ABCA5: variants seen among roughly 807,000 people sequenced by gnomAD.
ABCA5 encodes cholesterol transporter ABCA5.
Under a neutral mutation model 206.0 loss-of-function variants are expected in ABCA5, and 163 were observed. The ratio of observed to expected loss-of-function variants is 0.79; its 90% CI spans 0.70 to 0.90. The LOEUF is 0.90. Among genes scored for constraint, ABCA5 ranks in the 40% least tolerant of loss-of-function variants. ABCA5 has a pLI of 0.00. For missense variants in ABCA5, 1,859 were observed against 1,912.9 expected, an observed-to-expected ratio of 0.97 and a Z score of 0.53; for synonymous variants, 609 against 613.8, an observed-to-expected ratio of 0.99 and a Z score of 0.11.
chr17:69,258,786 C>T (rs960008863), intron 28 of ABCA5, among the ~76,000 whole-genome samples: 2 of 151,834 alleles, frequency 1.3e-5, no homozygotes, highest in African/African-American at 4.8e-5. Flanking sequence ...GCATATAATT[C>T]GATTCACCAA....
At chr17:69,266,321 G>C (rs2075207419) in intron 23 of ABCA5, among the ~76,000 whole-genome samples, 1 of 152,052 alleles carries the variant, frequency 6.6e-6, no homozygotes, top group Non-Finnish European at 1.5e-5. Flanking sequence ...TATCTTGACT[G>C]TGTCAATGCC....
At position 69,270,568 on chromosome 17, in the gene ABCA5, A is replaced by G. The variant is rs748045498; in HGVS notation, c.3030+45T>C. ...GCTTAGTTTTTAATGGTTATTATAT[A>G]TATGACATGCATATGGAAATTTATC... On this transcript the variant is annotated intron_variant, in intron 22 of 38. Coordinates refer to ENST00000392676, the MANE Select transcript of ABCA5 (RefSeq NM_172232.4). The G allele has an allele frequency of 2.7e-6, 4 of 1,500,312 alleles. No individual in the cohort carries two copies. The East Asian group carries it at 9.8e-5, about 37-fold the overall frequency. 92.9% of individuals were successfully genotyped at this position (1,500,312 alleles called of 1,614,324 possible).
At chr17:69,325,141 CAA>C (rs11320196) in intron 1 of ABCA5, among the ~76,000 whole-genome samples, 237 of 118,058 alleles carry the variant, frequency 2.0e-3, no homozygotes, top group South Asian at 3.6e-3. Context: ...CTGTCTCTAC[CAA>C]AAAAAAAAAA....
chr17:69,292,189 G>A (rs764064508), intron 11 of ABCA5, among the ~76,000 whole-genome samples: 19 of 152,138 alleles, frequency 1.2e-4, no homozygotes, highest in Non-Finnish European at 2.4e-4. Flanking sequence ...AGATCCTAAC[G>A]CCAATAATCT....
intron 9 of ABCA5, among the ~76,000 whole-genome samples, chr17:69,300,510 T>C (rs1386538480): frequency 6.6e-6 from 1 of 152,138 alleles, no homozygotes; most frequent in African/African-American, 2.4e-5. Context: ...AACATCTAGA[T>C]TGCACCATGC....
chr17:69,263,799 C>T (rs1201985355), intron 24 of ABCA5, among the ~76,000 whole-genome samples: 4 of 148,630 alleles, frequency 2.7e-5, no homozygotes, highest in East Asian at 4.1e-4. Context: ...CCGGTTCAAG[C>T]GATTCTCCTG....
intron 29 of ABCA5, 139 bp from the exon 30 acceptor site, chr17:69,255,989 C>A: frequency 8.8e-7 from 1 of 1,136,688 alleles, no homozygotes; most frequent in Non-Finnish European, 1.2e-6. Flanking sequence ...CCATTTATGA[C>A]TGAAATTCTG....
chr17:69,269,785 GCAGTATGC>G (rs2144932533), intron 22 of ABCA5, among the ~76,000 whole-genome samples: 1 of 152,216 alleles, frequency 6.6e-6, no homozygotes, highest in African/African-American at 2.4e-5. Flanking sequence ...AATCTTCAAA[GCAGTATGC>G]TAAGTACAAG....
rs540932268 is a variant in ABCA5, at chr17:69,244,755, GTAAC to G, written c.*2778_*2781del. On this transcript the variant is annotated 3_prime_UTR_variant, in exon 39 of 39. Coordinates refer to ENST00000392676, the MANE Select transcript of ABCA5 (RefSeq NM_172232.4). Reference sequence around the variant, plus strand: ...GGGCACAATTAGAATGAAGTTTTGAGTAACTAACAGAACAACAATAAAAACAATA... The same window carrying G: ...GGGCACAATTAGAATGAAGTTTTGAGTAACAGAACAACAATAAAAACAATA... 6.1e-4 allele frequency: 93 copies of G among 151,450 alleles called. No individual in the cohort carries two copies. The highest frequency in any genetic ancestry group is 2.2e-3 in the African/African-American group (90 of 41,458). 9.4% of individuals were successfully genotyped at this position (151,450 alleles called of 1,614,324 possible).
chr17:69,250,278 GATAT>G lies in ABCA5; in HGVS notation c.4685+190_4685+193del, dbSNP rs1568086566. On this transcript the variant is annotated intron_variant, in intron 36 of 38. Coordinates refer to ENST00000392676, the MANE Select transcript of ABCA5 (RefSeq NM_172232.4). ...CAGTATTGGTGATAATACAGAGAGA[GATAT>G]ATAAATTATCTATCTACAGATACAT... is the stretch of plus-strand genomic sequence containing the variant. Among the ~76,000 whole-genome samples, 3 of 151,420 alleles carry G rather than the reference GATAT, an allele frequency of 2.0e-5. No homozygotes were observed. The East Asian group carries it at 5.8e-4, about 29-fold the overall frequency.
chr17:69,256,616 C>T (rs2075085262), intron 28 of ABCA5, among the ~76,000 whole-genome samples: 2 of 151,306 alleles, frequency 1.3e-5, no homozygotes, highest in Admixed American at 6.6e-5. Context: ...CCACCATGCC[C>T]GGCTCATTTT....
chr17:69,271,127 C>G (rs1262216043), intron 21 of ABCA5, 35 bp downstream of exon 21: 1 of 1,590,504 alleles, frequency 6.3e-7, no homozygotes, highest in African/African-American at 1.4e-5. Flanking sequence ...TTGCATAACT[C>G]CCAAATGGAT....
At chr17:69,271,094 A>T in intron 21 of ABCA5, 68 bp downstream of exon 21, 4 of 1,522,740 alleles carry the variant, frequency 2.6e-6, no homozygotes, top group Non-Finnish European at 3.5e-6. Context: ...CAAATAATTA[A>T]TTTTAGAAGA....
chr17:69,271,070 T>A (rs2047348260), intron 21 of ABCA5, 92 bp downstream of exon 21: 1 of 1,436,028 alleles, frequency 7.0e-7, no homozygotes, highest in Middle Eastern at 1.8e-4. Flanking sequence ...TTCTAACTCA[T>A]AAGGTCAAAT....
chr17:69,309,826 T>A (rs1053788633), intron 3 of ABCA5, among the ~76,000 whole-genome samples: 2 of 151,834 alleles, frequency 1.3e-5, no homozygotes, highest in East Asian at 1.9e-4. Context: ...GGCAACAGAG[T>A]GAGACCATGT....
chr17:69,303,029 T>C, intron 7 of ABCA5, 123 bp from the exon 8 acceptor site: 1 of 497,814 alleles, frequency 2.0e-6, no homozygotes. Flanking sequence ...AAAATACAAC[T>C]ATAATTTCTA....
chr17:69,322,550 A>T (rs547021914), intron 1 of ABCA5, among the ~76,000 whole-genome samples: 1 of 152,254 alleles, frequency 6.6e-6, no homozygotes, highest in East Asian at 1.9e-4. Flanking sequence ...AGTATTTTTT[A>T]AAATCTAAGG....
At chr17:69,305,364 A>G (rs770794669) in intron 6 of ABCA5, among the ~76,000 whole-genome samples, 9 of 152,214 alleles carry the variant, frequency 5.9e-5, no homozygotes, top group Non-Finnish European at 1.3e-4. Flanking sequence ...TTGCTGCAGT[A>G]TTAAGTTTTA....
intron 1 of ABCA5, among the ~76,000 whole-genome samples, chr17:69,320,495 T>C (rs2075854934): frequency 6.6e-6 from 1 of 152,170 alleles, no homozygotes; most frequent in Admixed American, 6.5e-5. Context: ...AAATATTAAC[T>C]TTCAATAATC....
Sources: gnomAD v4.1 joint callset for allele counts (sites outside exome capture counted in the v4.1 genomes callset) on GRCh38, gnomAD v4.1.1 for gene constraint, MANE v1.5 for transcripts, NCBI Gene and HGNC (gene_info 2026-07-23, HGNC 2026-07-21) for gene names.